The following TMEM169 variants were observed in gnomAD, a reference collection of about 807,000 sequenced individuals.
TMEM169 encodes the protein transmembrane protein 169.
Under a neutral mutation model 27.3 loss-of-function variants are expected in TMEM169, and 18 were observed. The ratio of observed to expected loss-of-function variants is 0.66; its 90% CI spans 0.46 to 0.98. The LOEUF (loss-of-function observed/expected upper bound fraction) is 0.98, where lower values mean the gene tolerates loss of function less well. TMEM169 is among the 50% of genes least tolerant of loss of function. The pLI, the probability that TMEM169 is intolerant of heterozygous loss-of-function variation, is 0.00. For synonymous variants in TMEM169, 136 were observed against 142.1 expected, an observed-to-expected ratio of 0.96 and a Z score of 0.30; for missense variants, 320 against 368.6, an observed-to-expected ratio of 0.87 and a Z score of 1.08.
chr2:216,092,095 T>G (rs1377036609), intron 1 of TMEM169, among the ~76,000 whole-genome samples: 1 of 152,216 alleles, frequency 6.6e-6, no homozygotes, highest in Non-Finnish European at 1.5e-5. Flanking sequence ...ATTTCATATT[T>G]CTTGTCTAAG....
rs974570712 is a variant in TMEM169 at position 216,093,958 on chromosome 2, T to C, written c.-126-1880T>C. Among the ~76,000 whole-genome samples the C allele has an allele frequency of 2.6e-5, 4 of 152,348 alleles. No homozygotes were observed. In the East Asian group the frequency reaches 7.7e-4, roughly 29 times the overall value. ...ATTTTTGCTTCTTTCTTCTCTCCAC[T>C]GCCCCACTCCCATCCACTGGGCCAG... On this transcript the variant is annotated intron_variant, in intron 1 of 2. Transcript: ENST00000437356.
intron 1 of TMEM169, among the ~76,000 whole-genome samples, chr2:216,087,606 T>G (rs1696036536): frequency 6.6e-6 from 1 of 152,186 alleles, no homozygotes; most frequent in South Asian, 2.1e-4. Flanking sequence ...GAAAATAACA[T>G]GGGCTTTGAA....
chr2:216,091,618 G>A (rs1482434460), intron 1 of TMEM169, among the ~76,000 whole-genome samples: 2 of 149,368 alleles, frequency 1.3e-5, no homozygotes, highest in Non-Finnish European at 3.0e-5. Flanking sequence ...CTTCAGCCAC[G>A]TGAAAACACA....
chr2:216,092,351 GT>G (rs886088760), intron 1 of TMEM169, among the ~76,000 whole-genome samples: 36 of 151,178 alleles, frequency 2.4e-4, no homozygotes, highest in African/African-American at 7.0e-4. Context: ...ACCTTTTTAT[GT>G]TTTTTTTTAA....
Position 216,102,700 on chromosome 2 carries a change from G to T in TMEM169, c.*2158G>T, listed in dbSNP as rs942825519. The T allele has an allele frequency of 2.6e-5, 4 of 151,884 alleles. No homozygotes were observed. Among genetic ancestry groups the T allele is most frequent in the African/African-American group, 9.7e-5 (4 of 41,088 alleles). The allele number at this position is 151,884 out of a possible 1,614,324, so 9.4% of individuals were successfully genotyped here. A position where few individuals can be genotyped will look rare whatever the true frequency, so the allele number is the denominator to read the frequency against. ...CCCAACAGTTTTAGTGTTAATCTTG[G>T]TGCTCTATGGTGCATTAGCAGAGAT... On this transcript the variant is annotated 3_prime_UTR_variant, in exon 3 of 3. Coordinates refer to ENST00000437356, the MANE Select transcript of TMEM169 (RefSeq NM_001142311.2).
At chr2:216,083,583 C>T (rs971413170) in intron 1 of TMEM169, among the ~76,000 whole-genome samples, 1 of 152,060 alleles carries the variant, frequency 6.6e-6, no homozygotes, top group African/African-American at 2.4e-5. Flanking sequence ...CTGCAGCTTC[C>T]GTGTGGCTGC....
chr2:216,090,188 A>AT (rs1433232110), intron 1 of TMEM169, among the ~76,000 whole-genome samples: 5 of 152,114 alleles, frequency 3.3e-5, no homozygotes, highest in African/African-American at 1.2e-4. Context: ...AGGTAAAGTT[A>AT]TTTTTTTCTA....
At chr2:216,086,565 C>G (rs1696003581) in intron 1 of TMEM169, among the ~76,000 whole-genome samples, 1 of 152,210 alleles carries the variant, frequency 6.6e-6, no homozygotes, top group Non-Finnish European at 1.5e-5. Flanking sequence ...CAAATACTTA[C>G]AGCATAATAA....
At chr2:216,086,463 T>G (rs1249906860) in intron 1 of TMEM169, among the ~76,000 whole-genome samples, 1 of 152,192 alleles carries the variant, frequency 6.6e-6, no homozygotes, top group African/African-American at 2.4e-5. Context: ...GTCTATTGAT[T>G]AAAGCCTTGG....
intron 1 of TMEM169, chr2:216,082,633 G>A (rs1029329065): frequency 6.6e-6 from 1 of 152,406 alleles, no homozygotes; most frequent in Non-Finnish European, 1.5e-5. Context: ...AGCCCGCTGA[G>A]GATGGGGAAA....
chr2:216,099,250 G>A lies in TMEM169; in HGVS notation c.272-670G>A, dbSNP rs930184102. ...GGTATATGTGGTGTGGGTATGTGGT[G>A]TGTATGTGGTATGTGTGATGTGCAT... On this transcript the variant is annotated intron_variant, in intron 2 of 2. Transcript: ENST00000437356. The surrounding 1 kb of genome is among the most constrained non-coding windows in gnomAD (Gnocchi z 5.0). Among the ~76,000 whole-genome samples the A allele has an allele frequency of 6.0e-5, 9 of 150,892 alleles. No homozygotes were observed. Among genetic ancestry groups the A allele is most frequent in the Non-Finnish European group, 1.3e-4 (9 of 67,582 alleles).
At position 216,099,427 on chromosome 2, in the gene TMEM169, G is replaced by T. The variant is rs545100596; in HGVS notation, c.272-493G>T. On this transcript the variant is annotated intron_variant, in intron 2 of 2. Coordinates refer to ENST00000437356, the MANE Select transcript of TMEM169 (RefSeq NM_001142311.2). The surrounding 1 kb of genome is among the most constrained non-coding windows in gnomAD (Gnocchi z 5.0). ...ATATGTGGGATGCATGTGTGTATGC[G>T]TGCAGCCCCTGGATGTGAGGGCTGG... Among the ~76,000 whole-genome samples, 1 of 151,794 alleles carries T rather than the reference G, an allele frequency of 6.6e-6. No individual in the cohort carries two copies. Among genetic ancestry groups the T allele is most frequent in the African/African-American group, 2.4e-5 (1 of 41,278 alleles).
intron 1 of TMEM169, among the ~76,000 whole-genome samples, chr2:216,085,680 GACCAACATGGAGAAACCCC>G (rs1157424102): frequency 6.6e-6 from 1 of 152,104 alleles, no homozygotes; most frequent in Non-Finnish European, 1.5e-5. Flanking sequence ...AGACCAGCCT[GACCAACATGGAGAAACCCC>G]TTCTCTACTA....
intron 1 of TMEM169, among the ~76,000 whole-genome samples, chr2:216,087,082 G>A (rs776332024): frequency 5.9e-5 from 9 of 152,168 alleles, no homozygotes; most frequent in Non-Finnish European, 1.2e-4. Flanking sequence ...GAATGAGTCT[G>A]TCTTGAGCCA....
rs1696369048 is a variant in TMEM169, at chr2:216,100,396, A to G, written c.748A>G (p.Lys250Glu). The stretch of plus-strand genomic sequence containing the variant: ...GTGGCAAGCTGCCCGGGACATGGAG[A>G]AAGGCTTCTGTGGCTGGCTCTGCAG... Reference protein sequence around the residue: ...AWWQAARDMEKGFCGWLCSKL... With the variant: ...AWWQAARDMEEGFCGWLCSKL... Residue 250 changes from lysine (K) to glutamate (E), a missense_variant, in exon 3 of 3, where the codon AAA becomes GAA. Transcript: ENST00000437356. The G allele has an allele frequency of 1.2e-6, 2 of 1,613,878 alleles. No homozygotes were observed. Among genetic ancestry groups the G allele is most frequent in the Non-Finnish European group, 1.7e-6 (2 of 1,179,986 alleles).
rs1696379266 is a variant in TMEM169, at chr2:216,100,782, A to G, written c.*240A>G. 1 of 558,634 alleles carries G rather than the reference A, an allele frequency of 1.8e-6. No homozygotes were observed. Among genetic ancestry groups the G allele is most frequent in the Non-Finnish European group, 3.2e-6 (1 of 315,720 alleles). The allele number at this position is 558,634 out of a possible 1,614,324, so 34.6% of individuals were successfully genotyped here. A position where few individuals can be genotyped will look rare whatever the true frequency, so the allele number is the denominator to read the frequency against. On this transcript the variant is annotated 3_prime_UTR_variant, in exon 3 of 3. Coordinates refer to ENST00000437356, the MANE Select transcript of TMEM169 (RefSeq NM_001142311.2). ...TTTGATTCCCTGCCCTAAAATCACCATTTATTTAGGACAATGGAACTCTGC... is the reference window on the plus strand; with the variant it reads ...TTTGATTCCCTGCCCTAAAATCACCGTTTATTTAGGACAATGGAACTCTGC...
chr2:216,082,107 G>T, intron 1 of TMEM169, 128 bp downstream of exon 1: 1 of 213,506 alleles, frequency 4.7e-6, no homozygotes, highest in Non-Finnish European at 9.5e-6. Context: ...TCAATCCTCA[G>T]GGCTGAAGCT....
chr2:216,094,932 A>G (rs1696226506), intron 1 of TMEM169, among the ~76,000 whole-genome samples: 1 of 152,172 alleles, frequency 6.6e-6, no homozygotes, highest in Non-Finnish European at 1.5e-5. Flanking sequence ...GGCTGACAAG[A>G]AGCCAGGAGA....
intron 1 of TMEM169, among the ~76,000 whole-genome samples, chr2:216,086,220 A>G (rs1695994475): frequency 6.6e-6 from 1 of 152,034 alleles, no homozygotes; most frequent in South Asian, 2.1e-4. Flanking sequence ...GTGTGCCACC[A>G]TGCCTGGCTA....
Sources: gnomAD v4.1 joint callset for allele counts (sites outside exome capture counted in the v4.1 genomes callset) on GRCh38, gnomAD v4.1.1 for gene constraint, Gnocchi (gnomAD v3.1) non-coding constraint, MANE v1.5 for transcripts, NCBI Gene and HGNC (gene_info 2026-07-23, HGNC 2026-07-21) for gene names.